The following RGS6 variants were observed in gnomAD, a reference collection of about 807,000 sequenced individuals.
RGS6 encodes the protein regulator of G protein signaling 6.
A neutral mutation model predicts 78.5 loss-of-function variants in RGS6; 30 were observed. The ratio of observed to expected loss-of-function variants is 0.38; its 90% CI spans 0.29 to 0.52. RGS6 has a LOEUF of 0.52. Among genes scored for constraint, RGS6 ranks in the 20% least tolerant of loss-of-function variants. The probability of loss-of-function intolerance (pLI) is 0.85; values close to 1 mark genes in which losing one functional copy is unlikely to be tolerated. For synonymous variants in RGS6, 206 were observed against 206.0 expected (o/e 1.00, Z 0.00); for missense variants, 495 against 609.7 (o/e 0.81, Z 1.98).
intron 2 of RGS6, among the ~76,000 whole-genome samples, chr14:72,122,663 A>G (rs2096078110): frequency 6.6e-6 from 1 of 151,320 alleles, no homozygotes; most frequent in Non-Finnish European, 1.5e-5. Flanking sequence ...GGACATCACC[A>G]TGTTTGTTAT....
chr14:72,508,314 A>G (rs1219752945), intron 13 of RGS6, among the ~76,000 whole-genome samples: 1 of 152,230 alleles, frequency 6.6e-6, no homozygotes, highest in African/African-American at 2.4e-5. Flanking sequence ...CTGCATACCA[A>G]TATAGTAGCC....
At chr14:72,303,484 G>A (rs1454347096) in intron 2 of RGS6, among the ~76,000 whole-genome samples, 9 of 152,214 alleles carry the variant, frequency 5.9e-5, no homozygotes, top group Non-Finnish European at 1.2e-4. Context: ...CTGGGCAAGA[G>A]TGAGACTCTG....
chr14:72,247,179 A>G (rs2054445607), intron 2 of RGS6, among the ~76,000 whole-genome samples: 2 of 152,138 alleles, frequency 1.3e-5, no homozygotes, highest in African/African-American at 2.4e-5. Context: ...AGTTTTCCAT[A>G]CAATGTAGCA....
chr14:71,953,970 T>TTTTTG (rs1491341975), intron 1 of RGS6, among the ~76,000 whole-genome samples: 2 of 2,906 alleles, frequency 6.9e-4, no homozygotes, highest in Non-Finnish European at 2.6e-3. Context: ...TAAGTGGGCG[T>TTTTTG]TTTTTTTTTT....
At chr14:72,578,075 T>A in the RGS6 span, among the ~76,000 whole-genome samples, 1 of 152,214 alleles carries the variant, frequency 6.6e-6, no homozygotes, top group Non-Finnish European at 1.5e-5. Context: ...CCTTCCCTGA[T>A]GCCTGGATTC....
At chr14:72,289,213 A>G (rs1234459782) in intron 2 of RGS6, among the ~76,000 whole-genome samples, 1 of 152,040 alleles carries the variant, frequency 6.6e-6, no homozygotes, top group East Asian at 1.9e-4. Context: ...TACTTACTGA[A>G]AAGTGGTAGC....
At chr14:72,053,291 C>T (rs1201212103) in intron 2 of RGS6, among the ~76,000 whole-genome samples, 1 of 150,844 alleles carries the variant, frequency 6.6e-6, no homozygotes, top group Non-Finnish European at 1.5e-5. Flanking sequence ...GGCTAATTTT[C>T]GTATTTTTAG....
At chr14:72,373,924 T>C (rs1294194810) in intron 3 of RGS6, among the ~76,000 whole-genome samples, 1 of 152,148 alleles carries the variant, frequency 6.6e-6, no homozygotes, top group East Asian at 1.9e-4. Context: ...AATCATTTGA[T>C]AGTCTTTTTT....
intron 3 of RGS6, among the ~76,000 whole-genome samples, chr14:72,417,401 G>A (rs1199126708): frequency 6.6e-6 from 1 of 152,210 alleles, no homozygotes; most frequent in Non-Finnish European, 1.5e-5. Context: ...CATTTGGGAG[G>A]AGGTGGCAGC....
intron 3 of RGS6, among the ~76,000 whole-genome samples, chr14:72,387,290 G>A (rs537292162): frequency 4.8e-4 from 73 of 152,110 alleles, no homozygotes; most frequent in Non-Finnish European, 9.0e-4. Flanking sequence ...TGGCTGGCGC[G>A]CCTAATCCCA....
intron 17 of RGS6, among the ~76,000 whole-genome samples, chr14:72,551,554 G>A (rs1006426659): frequency 3.3e-5 from 5 of 152,162 alleles, no homozygotes; most frequent in South Asian, 2.1e-4. Flanking sequence ...TGGCCTGCTC[G>A]TGTGACCCCT....
At chr14:71,964,937 G>T in intron 2 of RGS6, 62 bp downstream of exon 2, 1 of 1,272,612 alleles carries the variant, frequency 7.9e-7, no homozygotes, top group South Asian at 1.6e-5. Flanking sequence ...TCTGTGTAGG[G>T]CTGATAAAAA....
At chr14:72,359,776 G>A (rs1401538060) in intron 3 of RGS6, among the ~76,000 whole-genome samples, 1 of 152,254 alleles carries the variant, frequency 6.6e-6, no homozygotes, top group Non-Finnish European at 1.5e-5. Context: ...TTAAGGAAGA[G>A]TAGAGTGACC....
chr14:71,914,003 C>T, the RGS6 span, among the ~76,000 whole-genome samples: 1 of 152,186 alleles, frequency 6.6e-6, no homozygotes, highest in Non-Finnish European at 1.5e-5. Context: ...GCAAGGAATT[C>T]AAGATCCTGA....
At chr14:72,298,125 T>C (rs894134808) in intron 2 of RGS6, among the ~76,000 whole-genome samples, 1 of 152,148 alleles carries the variant, frequency 6.6e-6, no homozygotes, top group Non-Finnish European at 1.5e-5. Flanking sequence ...AAAATTTTAA[T>C]TTACTAGAGT....
intron 13 of RGS6, among the ~76,000 whole-genome samples, 166 bp downstream of exon 13, chr14:72,495,428 T>C (rs1293527934): frequency 6.6e-6 from 1 of 152,206 alleles, no homozygotes; most frequent in Non-Finnish European, 1.5e-5. Context: ...TACCTCCTTA[T>C]AGCTTTGATT....
At chr14:72,339,725 G>A (rs1002943620) in intron 2 of RGS6, among the ~76,000 whole-genome samples, 1 of 152,156 alleles carries the variant, frequency 6.6e-6, no homozygotes, top group Non-Finnish European at 1.5e-5. Context: ...ACTTGGAAAG[G>A]CACTCATGAA....
At chr14:72,408,546 G>A (rs532851629) in intron 3 of RGS6, among the ~76,000 whole-genome samples, 2 of 152,244 alleles carry the variant, frequency 1.3e-5, no homozygotes, top group East Asian at 1.9e-4. Context: ...TCCTCATTTT[G>A]TGTTGTGTGG....
chr14:72,504,921 ATTTTTTTTTTTTT>A lies in RGS6; in HGVS notation c.966-5217_966-5205del, dbSNP rs34953560. On this transcript the variant is annotated intron_variant, in intron 13 of 17. Coordinates refer to ENST00000553525, the MANE Select transcript of RGS6 (RefSeq NM_001204424.2). ...AGGTGCCCACCACCACGCCCAGCTA[ATTTTTTTTTTTTT>A]TTTTTTTTTTTTTTTGTATTTTTAG... 3.0e-4 allele frequency among the ~76,000 whole-genome samples: 23 copies of A among 76,078 alleles called. 1 individual carries two copies. The highest frequency in any genetic ancestry group is 2.9e-4 in the Non-Finnish European group (12 of 41,512). The allele number at this position is 76,078 out of a possible 152,430, so 49.9% of individuals were successfully genotyped here. A position where few individuals can be genotyped will look rare whatever the true frequency, so the allele number is the denominator to read the frequency against.
Sources: gnomAD v4.1 joint callset for allele counts (sites outside exome capture counted in the v4.1 genomes callset) on GRCh38, gnomAD v4.1.1 for gene constraint, MANE v1.5 for transcripts, NCBI Gene and HGNC (gene_info 2026-07-23, HGNC 2026-07-21) for gene names.